Variants in GPC5 observed in about 807,000 individuals in gnomAD.
The protein encoded by GPC5 is glypican-5.
Under a neutral mutation model 53.9 loss-of-function variants are expected in GPC5, and 47 were observed. That is an observed-to-expected ratio of 0.87 (90% CI 0.69 to 1.11). The LOEUF (loss-of-function observed/expected upper bound fraction) is 1.11. Ranked by LOEUF, GPC5 falls within the 50% of genes most tolerant of loss-of-function variation. The pLI is 0.00. For synonymous variants in GPC5, 286 were observed against 263.3 expected, an observed-to-expected ratio of 1.09 and a Z score of -0.84; for missense variants, 748 against 713.1, an observed-to-expected ratio of 1.05 and a Z score of -0.56.
intron 7 of GPC5, among the ~76,000 whole-genome samples, chr13:92,195,438 C>T (rs1182948155): frequency 6.6e-6 from 1 of 152,174 alleles, no homozygotes; most frequent in Non-Finnish European, 1.5e-5. Flanking sequence ...AGCGTATTGG[C>T]TCCAAATAAA....
chr13:92,661,111 G>T (rs1332868928), intron 7 of GPC5, among the ~76,000 whole-genome samples: 3 of 151,858 alleles, frequency 2.0e-5, no homozygotes, highest in Non-Finnish European at 4.4e-5. Context: ...ACCATCCTGG[G>T]CAACAAAGTG....
Position 92,753,524 on chromosome 13 carries a change from A to G in GPC5, c.1562-112758A>G, listed in dbSNP as rs573594241. On this transcript the variant is annotated intron_variant, in intron 7 of 7. Coordinates refer to ENST00000377067, the MANE Select transcript of GPC5 (RefSeq NM_004466.6). The stretch of plus-strand genomic sequence containing the variant: ...AGAGAAGAAGGCTTCAGACGATCAA[A>G]TTACTCTGAGCTATGGGAGGACATT... Among the ~76,000 whole-genome samples the G allele has an allele frequency of 8.3e-3, 1,270 of 152,312 alleles. 15 individuals carry two copies. The highest frequency in any genetic ancestry group is 0.029 in the African/African-American group (1,194 of 41,560).
intron 6 of GPC5, among the ~76,000 whole-genome samples, chr13:92,051,553 C>T (rs1021779342): frequency 6.6e-6 from 1 of 152,190 alleles, no homozygotes; most frequent in Admixed American, 6.5e-5. Flanking sequence ...TGGTCCAGAA[C>T]CCACACCTTG....
intron 2 of GPC5, among the ~76,000 whole-genome samples, chr13:91,519,687 T>G (rs146866290): frequency 6.6e-6 from 1 of 152,270 alleles, no homozygotes; most frequent in Admixed American, 6.5e-5. Context: ...TTTATAGCAG[T>G]GTGAGAATAG....
At chr13:91,463,240 T>G (rs1281137879) in intron 2 of GPC5, among the ~76,000 whole-genome samples, 4 of 152,168 alleles carry the variant, frequency 2.6e-5, no homozygotes, top group Non-Finnish European at 5.9e-5. Flanking sequence ...TTCATTTGCA[T>G]GGTTTCAACA....
intron 5 of GPC5, among the ~76,000 whole-genome samples, chr13:91,840,866 A>T (rs1471865180): frequency 6.6e-6 from 1 of 151,930 alleles, no homozygotes. Context: ...GATTAGAAAA[A>T]TGCTACTGGT....
chr13:92,467,563 A>G (rs926192796), intron 7 of GPC5, among the ~76,000 whole-genome samples: 2 of 152,120 alleles, frequency 1.3e-5, no homozygotes, highest in Admixed American at 6.6e-5. Flanking sequence ...ACATACACAC[A>G]AAGAAATATA....
At chr13:92,354,912 G>A (rs887855387) in intron 7 of GPC5, among the ~76,000 whole-genome samples, 7 of 152,104 alleles carry the variant, frequency 4.6e-5, no homozygotes, top group Non-Finnish European at 8.8e-5. Context: ...TGATGATGAA[G>A]GGAGATGGAA....
At chr13:92,036,463 C>G (rs1376161322) in intron 6 of GPC5, among the ~76,000 whole-genome samples, 1 of 152,156 alleles carries the variant, frequency 6.6e-6, no homozygotes, top group Non-Finnish European at 1.5e-5. Flanking sequence ...CTTGATTCCT[C>G]TTATGTGCTC....
intron 7 of GPC5, among the ~76,000 whole-genome samples, chr13:92,288,703 C>G (rs1217493646): frequency 6.6e-6 from 1 of 152,152 alleles, no homozygotes; most frequent in Non-Finnish European, 1.5e-5. Flanking sequence ...TGCTTCCTAC[C>G]ATGCCATCTT....
chr13:91,523,626 G>C (rs1419875144), intron 2 of GPC5, among the ~76,000 whole-genome samples: 1 of 152,162 alleles, frequency 6.6e-6, no homozygotes, highest in Non-Finnish European at 1.5e-5. Context: ...TGTAGGATGA[G>C]TAAGTTCTAG....
At chr13:91,927,152 G>C (rs1436492146) in intron 6 of GPC5, among the ~76,000 whole-genome samples, 2 of 152,132 alleles carry the variant, frequency 1.3e-5, no homozygotes, top group East Asian at 3.8e-4. Flanking sequence ...ATTACTAATA[G>C]AGAAATTACA....
chr13:91,701,918 A>G (rs1224617458), intron 3 of GPC5, among the ~76,000 whole-genome samples: 1 of 152,106 alleles, frequency 6.6e-6, no homozygotes, highest in Non-Finnish European at 1.5e-5. Context: ...TGCCAATAGC[A>G]TACAAGTTTC....
At chr13:92,747,374 A>G (rs1027920582) in intron 7 of GPC5, among the ~76,000 whole-genome samples, 10 of 152,194 alleles carry the variant, frequency 6.6e-5, no homozygotes, top group African/African-American at 9.6e-5. Context: ...AAGAAAAAAA[A>G]TCAGAGAACA....
At chr13:92,297,747 A>G (rs1311634363) in intron 7 of GPC5, among the ~76,000 whole-genome samples, 37 of 152,004 alleles carry the variant, frequency 2.4e-4, no homozygotes. Context: ...CAGATAAGAG[A>G]ATAAAAGCAG....
At chr13:91,876,544 C>A (rs1408182072) in intron 5 of GPC5, among the ~76,000 whole-genome samples, 6 of 152,090 alleles carry the variant, frequency 3.9e-5, no homozygotes, top group Non-Finnish European at 7.4e-5. Flanking sequence ...ATTTGTGGAA[C>A]TTTGAACTTG....
chr13:91,845,840 C>G (rs138272513), intron 5 of GPC5, among the ~76,000 whole-genome samples: 23 of 152,240 alleles, frequency 1.5e-4, no homozygotes, highest in African/African-American at 5.5e-4. Flanking sequence ...AGATTTGTCA[C>G]TTACTAGCTG....
intron 2 of GPC5, among the ~76,000 whole-genome samples, chr13:91,482,162 C>T (rs548784368): frequency 6.6e-5 from 10 of 152,174 alleles, no homozygotes; most frequent in African/African-American, 2.4e-4. Flanking sequence ...GAGGTGGGGC[C>T]TAATAAGAAG....
At chr13:92,486,924 C>T (rs7328646) in intron 7 of GPC5, among the ~76,000 whole-genome samples, 6,554 of 151,450 alleles carry the variant, frequency 0.043, 486 homozygotes, top group African/African-American at 0.15. Context: ...GGCGTTATCT[C>T]GGCTCACTGT....
Sources: allele counts gnomAD v4.1 joint callset (sites outside exome capture counted in the v4.1 genomes callset), GRCh38; gene constraint gnomAD v4.1.1; transcripts MANE v1.5; gene names NCBI Gene and HGNC (gene_info 2026-07-23, HGNC 2026-07-21).